ZMAT1: variants seen among roughly 807,000 people sequenced by gnomAD.
ZMAT1 encodes the protein zinc finger matrin-type protein 1.
In ZMAT1, 11 loss-of-function variants were observed where a neutral mutation model predicts 18.5. The ratio of observed to expected loss-of-function variants is 0.59; its 90% CI spans 0.37 to 0.98. The LOEUF (loss-of-function observed/expected upper bound fraction) is 0.98. Among genes scored for constraint, ZMAT1 ranks in the 50% least tolerant of loss-of-function variants. ZMAT1 has a pLI of 0.01. For synonymous variants in ZMAT1, 211 were observed against 176.4 expected, an observed-to-expected ratio of 1.20 and a Z score of -1.55; for missense variants, 525 against 496.2, an observed-to-expected ratio of 1.06 and a Z score of -0.55.
rs376911023 is a variant in ZMAT1, at chrX:101,884,788, T to C, written c.810A>G (p.Ser270=). The change falls in exon 6 of 6, where the codon TCA becomes TCG. Residue 270 remains serine, a synonymous_variant. Transcript: ENST00000651725. ...ESIVINLVKN[S]RKTQDSYQNE... is the part of the protein sequence containing the mutation. Reference sequence around the variant, plus strand: ...TTTGGTAAGAGTCTTGTGTCTTCCTTGAATTCTTCACTAGATTGATAACAA... The same window carrying C: ...TTTGGTAAGAGTCTTGTGTCTTCCTCGAATTCTTCACTAGATTGATAACAA... The C allele has an allele frequency of 1.7e-6, 2 of 1,198,607 alleles. No individual in the cohort carries two copies. The highest frequency in any genetic ancestry group is 2.3e-6 in the Non-Finnish European group (2 of 884,306).
chrX:101,883,643 T>C lies in ZMAT1; in HGVS notation c.1955A>G (p.His652Arg), dbSNP rs1328822956. Residue 652 changes from histidine (H) to arginine (R), a missense_variant, in exon 6 of 6, where the codon CAT becomes CGT. By Grantham distance (29) the His-to-Arg change is conservative. Transcript: ENST00000651725. Reference protein sequence around the residue: ...RVKVSSGKLKHRKKKKSHDVP... With the variant: ...RVKVSSGKLKRRKKKKSHDVP... ...ATCATGGCTTTTTTTCTTTTTTCGA[T>C]GCTTAAGCTTTCCTGAACTGACCTT... is the stretch of plus-strand genomic sequence containing the variant. The C allele has an allele frequency of 4.1e-6, 5 of 1,210,154 alleles. No individual in the cohort carries two copies. Among genetic ancestry groups the C allele is most frequent in the Non-Finnish European group, 1.1e-6 (1 of 895,068 alleles).
At chrX:101,917,570 T>C (rs959958295) in intron 1 of ZMAT1, among the ~76,000 whole-genome samples, 11 of 112,358 alleles carry the variant, frequency 9.8e-5, no homozygotes, top group African/African-American at 3.6e-4. Context: ...GAAAAGGGAA[T>C]CCTCATACAC....
intron 5 of ZMAT1, among the ~76,000 whole-genome samples, chrX:101,886,252 C>T (rs1260428859): frequency 4.5e-5 from 5 of 111,805 alleles, no homozygotes; most frequent in Non-Finnish European, 9.4e-5. Flanking sequence ...AGCAAGACCT[C>T]TGTTCTTAAC....
intron 4 of ZMAT1, among the ~76,000 whole-genome samples, chrX:101,897,603 T>C (rs6652378): frequency 0.017 from 1,868 of 109,349 alleles, 45 homozygotes; most frequent in African/African-American, 0.06. Context: ...TGTTTCTTTA[T>C]AGCAGTATAG....
At chrX:101,898,900 T>C (rs866389332) in intron 2 of ZMAT1, among the ~76,000 whole-genome samples, 16 of 111,007 alleles carry the variant, frequency 1.4e-4, no homozygotes, top group Middle Eastern at 9.3e-3. Flanking sequence ...ATACAAAAAT[T>C]AGCTGGGCGT....
At position 101,931,783 on chromosome X, in the gene ZMAT1, T is replaced by A; in HGVS notation, c.226A>T (p.Thr76Ser). 1 of 778,177 alleles carries A rather than the reference T, an allele frequency of 1.3e-6. No individual in the cohort carries two copies. Among genetic ancestry groups the A allele is most frequent in the Non-Finnish European group, 1.5e-6 (1 of 656,666 alleles). The allele number at this position is 778,177 out of a possible 1,213,427, so 64.1% of individuals were successfully genotyped here. A position where few individuals can be genotyped will look rare whatever the true frequency, so the allele number is the denominator to read the frequency against. The change falls in exon 1 of 6, where the codon ACT becomes TCT. Residue 76 changes from threonine (T) to serine (S), a missense_variant. Thr to Ser is a moderately conservative substitution (Grantham distance 58, BLOSUM62 1). Coordinates refer to ENST00000651725, the MANE Select transcript of ZMAT1 (RefSeq NM_001394560.1). Reference protein sequence around the residue: ...DGGGGGFGGSTMAAAGRGGSS... With the variant: ...DGGGGGFGGSSMAAAGRGGSS... ...CCCCCCCTCCCCGCCGCCGCCATAG[T>A]GGAGCCGCCAAAGCCGCCGCCGCCG...
rs182348529 is a variant in ZMAT1 at position 101,912,555 on chromosome X, G to A, written c.293-8225C>T. ...GGGTGGGGGGGAAGTGCTTATGAAC[G>A]GTGCAGGTTGACTCTGATATTCATT... On this transcript the variant is annotated intron_variant, in intron 1 of 5. Transcript: ENST00000651725. Among the ~76,000 whole-genome samples, 391 of 111,786 alleles carry A rather than the reference G, an allele frequency of 3.5e-3. 3 individuals are homozygous for A. In the South Asian group the frequency reaches 0.072, roughly 21 times the overall value.
At chrX:101,923,793 C>T (rs1391917711) in intron 1 of ZMAT1, among the ~76,000 whole-genome samples, 1 of 111,513 alleles carries the variant, frequency 9.0e-6, no homozygotes, top group Non-Finnish European at 1.9e-5. Flanking sequence ...GATAAATGTA[C>T]AAAATTCATG....
intron 1 of ZMAT1, among the ~76,000 whole-genome samples, chrX:101,916,369 G>A (rs1165160145): frequency 9.0e-6 from 1 of 111,289 alleles, no homozygotes; most frequent in Non-Finnish European, 1.9e-5. Flanking sequence ...AAACCTACAT[G>A]TTCTGCACTT....
intron 1 of ZMAT1, among the ~76,000 whole-genome samples, chrX:101,918,328 G>A (rs376956883): frequency 6.2e-4 from 68 of 110,111 alleles, no homozygotes; most frequent in Admixed American, 1.6e-3. Context: ...AGTAAAGGCC[G>A]GGCATGGTGG....
In ZMAT1 at chrX:101,883,715, T is replaced by A. The variant is rs746916762; in HGVS notation, c.1883A>T (p.Asp628Val). Residue 628 changes from aspartate (D) to valine (V), a missense_variant, in exon 6 of 6, where the codon GAC becomes GTC. Physicochemically the swap from Asp to Val is radical, Grantham distance 152. Coordinates refer to ENST00000651725, the MANE Select transcript of ZMAT1 (RefSeq NM_001394560.1). ...RKKSYEDTDL[D>V]KDKSIRQRKR... Reference sequence around the variant, plus strand: ...CCTTTGTCTGATGCTCTTGTCTTTGTCTAAATCTGTATCTTCATAACTCTT... The same window carrying A: ...CCTTTGTCTGATGCTCTTGTCTTTGACTAAATCTGTATCTTCATAACTCTT... 238 of 1,205,640 alleles carry A rather than the reference T, an allele frequency of 2.0e-4. No homozygotes were observed. The South Asian group carries it at 2.7e-3, about 14-fold the overall frequency.
chrX:101,911,616 C>T, intron 1 of ZMAT1: 1 of 1,187,908 alleles, frequency 8.4e-7, no homozygotes, highest in South Asian at 1.8e-5. Context: ...ACAGCTTGTC[C>T]CTCACCAAAC....
chrX:101,903,513 G>A (rs1052137677), intron 2 of ZMAT1, among the ~76,000 whole-genome samples: 5 of 111,441 alleles, frequency 4.5e-5, no homozygotes, highest in African/African-American at 1.6e-4. Flanking sequence ...CATTACATTA[G>A]TTTTAAATGA....
chrX:101,906,038 C>T (rs1485004332), intron 1 of ZMAT1, among the ~76,000 whole-genome samples: 1 of 111,076 alleles, frequency 9.0e-6, no homozygotes, highest in African/African-American at 3.3e-5. Flanking sequence ...GAGAGAGATA[C>T]CCTCTGTGTG....
intron 1 of ZMAT1, among the ~76,000 whole-genome samples, chrX:101,916,800 G>C (rs1043220835): frequency 9.8e-5 from 11 of 111,831 alleles, no homozygotes; most frequent in Admixed American, 4.7e-4. Context: ...ATACTACAGA[G>C]CTAAAGTAAC....
At chrX:101,901,644 C>T (rs1928238451) in intron 2 of ZMAT1, among the ~76,000 whole-genome samples, 1 of 111,482 alleles carries the variant, frequency 9.0e-6, no homozygotes, top group Non-Finnish European at 1.9e-5. Context: ...TTCTTCCTCT[C>T]TCTCTCTTAA....
At position 101,886,666 on chromosome X, in the gene ZMAT1, G is replaced by C; in HGVS notation, c.742C>G (p.Arg248Gly). Residue 248 changes from arginine to glycine, a missense_variant, in exon 5 of 6, where the codon CGG (arginine) becomes GGG (glycine). Transcript: ENST00000651725. ...TGTTCACTTCCTTGCATGTGGGACC[G>C]GAACATATCTAAAGATGTAAAAGCA... ...SIAFTSLDMFRSHMQGSEHQI... is the reference protein window; with the variant it reads ...SIAFTSLDMFGSHMQGSEHQI... The C allele has an allele frequency of 8.3e-7, 1 of 1,205,129 alleles. No homozygotes were observed. Among genetic ancestry groups the C allele is most frequent in the Non-Finnish European group, 1.1e-6 (1 of 892,250 alleles).
chrX:101,906,299 T>A (rs1928619613), intron 1 of ZMAT1, among the ~76,000 whole-genome samples: 1 of 111,276 alleles, frequency 9.0e-6, no homozygotes, highest in Non-Finnish European at 1.9e-5. Flanking sequence ...TCCTCGACCA[T>A]CTCCAGCATT....
rs371868359 is a variant in ZMAT1 at position 101,912,893 on chromosome X, A to G, written c.293-8563T>C. On this transcript the variant is annotated intron_variant, in intron 1 of 5. Transcript: ENST00000651725. The stretch of plus-strand genomic sequence containing the variant: ...TCTCACTGACTTTGAGATGGCTTTT[A>G]CTGCTCTGTTCTCCCTCTACATTTC... Among the ~76,000 whole-genome samples, 40 of 112,217 alleles carry G rather than the reference A, an allele frequency of 3.6e-4. 3 individuals are homozygous for G. The highest frequency in any genetic ancestry group is 2.2e-3 in the East Asian group (8 of 3,581).
Sources: allele counts gnomAD v4.1 joint callset (sites outside exome capture counted in the v4.1 genomes callset), GRCh38; gene constraint gnomAD v4.1.1; transcripts MANE v1.5; gene names NCBI Gene and HGNC (gene_info 2026-07-23, HGNC 2026-07-21).